The following CCSER1 variants were observed in gnomAD, a reference collection of about 807,000 sequenced individuals.
CCSER1 encodes serine-rich coiled-coil domain-containing protein 1.
In CCSER1, 41 loss-of-function variants were observed where a neutral mutation model predicts 82.0. The observed-to-expected ratio is 0.50, with a 90% confidence interval of 0.39 to 0.65. The LOEUF (loss-of-function observed/expected upper bound fraction) is 0.65, where lower values mean the gene tolerates loss of function less well. Among genes scored for constraint, CCSER1 ranks in the 30% least tolerant of loss-of-function variants. The pLI, the probability that CCSER1 is intolerant of heterozygous loss-of-function variation, is 0.00. For synonymous variants in CCSER1, 414 were observed against 383.9 expected (o/e 1.08, Z -0.92); for missense variants, 1,119 against 1,064.2 (o/e 1.05, Z -0.72).
At chr4:90,385,123 T>C (rs1373889875) in intron 3 of CCSER1, among the ~76,000 whole-genome samples, 2 of 152,206 alleles carry the variant, frequency 1.3e-5, no homozygotes, top group Non-Finnish European at 2.9e-5. Context: ...CTTTATCTAC[T>C]CATCGGTTGA....
intron 5 of CCSER1, among the ~76,000 whole-genome samples, chr4:90,511,940 G>A (rs893531229): frequency 6.6e-6 from 1 of 151,958 alleles, no homozygotes; most frequent in African/African-American, 2.4e-5. Context: ...AGAAAGTTTT[G>A]TTTGTTCTAT....
chr4:90,318,196 C>G (rs932607829), intron 3 of CCSER1, among the ~76,000 whole-genome samples: 1 of 152,098 alleles, frequency 6.6e-6, no homozygotes, highest in Non-Finnish European at 1.5e-5. Flanking sequence ...AGGTTTTATT[C>G]TTTAGAATAT....
chr4:91,252,758 A>G (rs767477778), intron 10 of CCSER1, among the ~76,000 whole-genome samples: 2 of 152,190 alleles, frequency 1.3e-5, no homozygotes, highest in Admixed American at 6.5e-5. Context: ...TTAGAATGAT[A>G]TAACTTTAGG....
intron 10 of CCSER1, among the ~76,000 whole-genome samples, chr4:91,345,329 G>A (rs1747981839): frequency 6.6e-6 from 1 of 152,124 alleles, no homozygotes; most frequent in African/African-American, 2.4e-5. Context: ...AGAGGTTGCA[G>A]TGAGTCAAGA....
chr4:91,204,391 C>T (rs1340867055), intron 10 of CCSER1, among the ~76,000 whole-genome samples: 1 of 151,630 alleles, frequency 6.6e-6, no homozygotes, highest in Non-Finnish European at 1.5e-5. Flanking sequence ...AACATAAAGC[C>T]CTTAACTTCA....
intron 9 of CCSER1, among the ~76,000 whole-genome samples, chr4:91,020,611 G>A (rs1009423253): frequency 1.3e-5 from 2 of 151,788 alleles, no homozygotes; most frequent in Non-Finnish European, 2.9e-5. Flanking sequence ...GCAGTGAGCC[G>A]AGATCGCGCC....
intron 8 of CCSER1, among the ~76,000 whole-genome samples, chr4:90,833,863 G>A (rs1561216420): frequency 6.6e-6 from 1 of 152,072 alleles, no homozygotes; most frequent in African/African-American, 2.4e-5. Context: ...TGTCATTACT[G>A]GGAATGGGTT....
intron 10 of CCSER1, among the ~76,000 whole-genome samples, chr4:91,382,705 C>T (rs572971829): frequency 1.5e-3 from 235 of 152,212 alleles, no homozygotes; most frequent in Non-Finnish European, 2.4e-3. Flanking sequence ...GTGGACTGCA[C>T]CCACTGTCCT....
Position 91,355,311 on chromosome 4 carries a change from G to T in CCSER1, c.2218-243261G>T, listed in dbSNP as rs370221228. 7.6e-3 allele frequency among the ~76,000 whole-genome samples: 1,156 copies of T among 151,658 alleles called. 11 individuals carry two copies. Among genetic ancestry groups the T allele is most frequent in the African/African-American group, 0.027 (1,097 of 41,314 alleles). Reference sequence around the variant, plus strand: ...TGTCAAATTTTAAGGTTACATTTTTGGGGGCCCCTCTTTCTTCTGTTCTAG... The same window carrying T: ...TGTCAAATTTTAAGGTTACATTTTTTGGGGCCCCTCTTTCTTCTGTTCTAG... On this transcript the variant is annotated intron_variant, in intron 10 of 10. Transcript: ENST00000509176.
intron 5 of CCSER1, among the ~76,000 whole-genome samples, chr4:90,553,223 C>T (rs369690587): frequency 6.6e-6 from 1 of 151,886 alleles, no homozygotes; most frequent in South Asian, 2.1e-4. Flanking sequence ...CTGCCTTGGC[C>T]CCACAAAGTG....
chr4:90,294,128 T>TA (rs761069731), intron 1 of CCSER1, among the ~76,000 whole-genome samples: 10 of 152,070 alleles, frequency 6.6e-5, no homozygotes, highest in Non-Finnish European at 1.3e-4. Context: ...TCCGAGCTGT[T>TA]ACAAAAGTTG....
intron 10 of CCSER1, among the ~76,000 whole-genome samples, chr4:91,160,558 T>C (rs1236894381): frequency 6.6e-6 from 1 of 152,210 alleles, no homozygotes; most frequent in Non-Finnish European, 1.5e-5. Flanking sequence ...CCAGCACCTG[T>C]TGTGTCCTGA....
intron 6 of CCSER1, among the ~76,000 whole-genome samples, chr4:90,668,247 C>T (rs1732161990): frequency 6.6e-6 from 1 of 152,150 alleles, no homozygotes; most frequent in Non-Finnish European, 1.5e-5. Flanking sequence ...TATCTACTGT[C>T]ACATGTAGGG....
At chr4:91,506,890 T>C (rs1405530009) in intron 10 of CCSER1, among the ~76,000 whole-genome samples, 1 of 152,148 alleles carries the variant, frequency 6.6e-6, no homozygotes. Flanking sequence ...TATGAAAACA[T>C]AGAGTCTGTA....
At chr4:91,266,761 G>C (rs1231323631) in intron 10 of CCSER1, among the ~76,000 whole-genome samples, 1 of 152,158 alleles carries the variant, frequency 6.6e-6, no homozygotes, top group Non-Finnish European at 1.5e-5. Flanking sequence ...TACTTTAGTA[G>C]CTGGCTGATC....
At chr4:91,139,891 C>T (rs1728865438) in intron 10 of CCSER1, among the ~76,000 whole-genome samples, 1 of 152,006 alleles carries the variant, frequency 6.6e-6, no homozygotes, top group Non-Finnish European at 1.5e-5. Context: ...GTTTGCTTTA[C>T]AGCTTCTTAT....
intron 10 of CCSER1, among the ~76,000 whole-genome samples, chr4:91,101,869 C>T (rs772342390): frequency 2.0e-5 from 3 of 152,218 alleles, no homozygotes; most frequent in Non-Finnish European, 4.4e-5. Context: ...GCAGGTTTCT[C>T]ATCACGGATA....
intron 10 of CCSER1, among the ~76,000 whole-genome samples, chr4:91,232,101 G>T (rs1407500689): frequency 6.6e-6 from 1 of 151,684 alleles, no homozygotes; most frequent in African/African-American, 2.4e-5. Flanking sequence ...TACTATTTTG[G>T]CAAGGATATA....
intron 10 of CCSER1, among the ~76,000 whole-genome samples, chr4:91,151,115 G>C (rs1388811578): frequency 6.6e-6 from 1 of 151,970 alleles, no homozygotes; most frequent in Non-Finnish European, 1.5e-5. Flanking sequence ...TTTTTTGGTT[G>C]GTAGGCTATT....
Sources: allele counts gnomAD v4.1 joint callset (sites outside exome capture counted in the v4.1 genomes callset), GRCh38; gene constraint gnomAD v4.1.1; transcripts MANE v1.5; gene names NCBI Gene and HGNC (gene_info 2026-07-23, HGNC 2026-07-21).